Variants in LPP observed in about 807,000 individuals in gnomAD.
The protein encoded by LPP is lipoma-preferred partner.
A neutral mutation model predicts 60.4 loss-of-function variants in LPP; 38 were observed. The observed-to-expected ratio is 0.63, with a 90% CI of 0.49 to 0.83. LPP has a LOEUF of 0.83. Ranked by LOEUF, LPP falls within the 40% of genes least tolerant of loss-of-function variation. LPP has a pLI of 0.00. For synonymous variants in LPP, 328 were observed against 290.8 expected, an observed-to-expected ratio of 1.13 and a Z score of -1.30; for missense variants, 902 against 783.6, an observed-to-expected ratio of 1.15 and a Z score of -1.80.
In LPP at chr3:188,846,305, C is replaced by A. The variant is rs377264017; in HGVS notation, c.1411-19895C>A. Among the ~76,000 whole-genome samples the A allele has an allele frequency of 7.9e-5, 12 of 152,276 alleles. No homozygotes were observed. In the East Asian group the frequency reaches 2.3e-3, roughly 29 times the overall value. ...GGAAGGCTTTGGAGAACAGGGCACA[C>A]ATGATCGGAGACTTTACTGGTTCAG... On this transcript the variant is annotated intron_variant, in intron 9 of 11. Coordinates refer to ENST00000617246, the MANE Select transcript of LPP (RefSeq NM_001375462.1).
chr3:188,699,694 G>A (rs1863987827), intron 7 of LPP, among the ~76,000 whole-genome samples: 1 of 152,098 alleles, frequency 6.6e-6, no homozygotes, highest in Admixed American at 6.6e-5. Context: ...GCTGTGAGGA[G>A]TGTTCATTTA....
intron 5 of LPP, among the ~76,000 whole-genome samples, chr3:188,490,117 C>T (rs1415040042): frequency 1.3e-5 from 2 of 152,024 alleles, no homozygotes; most frequent in East Asian, 1.9e-4. Context: ...TTTTCTTTCC[C>T]CTTTTAAAAA....
intron 8 of LPP, among the ~76,000 whole-genome samples, chr3:188,715,267 A>T (rs1713378162): frequency 6.7e-6 from 1 of 149,550 alleles, no homozygotes; most frequent in Admixed American, 6.8e-5. Context: ...AGTCCCAGTT[A>T]CTCAGGAGGC....
At chr3:188,632,404 A>C (rs1847998360) in intron 7 of LPP, among the ~76,000 whole-genome samples, 1 of 152,080 alleles carries the variant, frequency 6.6e-6, no homozygotes, top group Admixed American at 6.6e-5. Context: ...GGGTGGGGAG[A>C]CTGGGAGATG....
At chr3:188,853,120 A>G (rs779024748) in intron 9 of LPP, among the ~76,000 whole-genome samples, 2 of 152,086 alleles carry the variant, frequency 1.3e-5, no homozygotes, top group Non-Finnish European at 2.9e-5. Context: ...AGTGCACTAC[A>G]GACTGGGCAA....
At chr3:188,333,574 G>A (rs532030816) in intron 2 of LPP, among the ~76,000 whole-genome samples, 1 of 152,322 alleles carries the variant, frequency 6.6e-6, no homozygotes, top group South Asian at 2.1e-4. Flanking sequence ...CTTAAAGTGA[G>A]TTCTGCTTAA....
At chr3:188,249,753 C>T (rs1036376868) in intron 2 of LPP, among the ~76,000 whole-genome samples, 62 of 149,916 alleles carry the variant, frequency 4.1e-4, no homozygotes, top group Admixed American at 1.1e-3. Flanking sequence ...TACTCAGATT[C>T]GTCTATTGTT....
intron 6 of LPP, among the ~76,000 whole-genome samples, chr3:188,546,720 G>C (rs951167466): frequency 6.6e-6 from 1 of 152,122 alleles, no homozygotes; most frequent in Non-Finnish European, 1.5e-5. Flanking sequence ...TAGCTATCTG[G>C]TATTCCATCT....
At chr3:188,762,453 T>C (rs912458751) in intron 9 of LPP, among the ~76,000 whole-genome samples, 1 of 152,244 alleles carries the variant, frequency 6.6e-6, no homozygotes, top group Non-Finnish European at 1.5e-5. Flanking sequence ...TGAAATTCAC[T>C]GGGCTTTAGG....
chr3:188,336,348 G>T (rs540564457), intron 2 of LPP, among the ~76,000 whole-genome samples: 4 of 152,240 alleles, frequency 2.6e-5, no homozygotes, highest in Admixed American at 2.6e-4. Flanking sequence ...ACAGAGCCAG[G>T]ATTTGTGACT....
chr3:188,614,319 C>T (rs1324561722), intron 7 of LPP, among the ~76,000 whole-genome samples: 1 of 152,014 alleles, frequency 6.6e-6, no homozygotes, highest in Non-Finnish European at 1.5e-5. Context: ...GTATGGTAAT[C>T]CCTGTGTTAA....
intron 2 of LPP, among the ~76,000 whole-genome samples, chr3:188,318,608 A>T (rs1199586645): frequency 6.6e-6 from 1 of 152,058 alleles, no homozygotes; most frequent in African/African-American, 2.4e-5. Context: ...CTACCTACTT[A>T]CATAAGTACC....
chr3:188,593,561 C>T (rs570384086), intron 6 of LPP, among the ~76,000 whole-genome samples: 8 of 151,954 alleles, frequency 5.3e-5, no homozygotes, highest in Non-Finnish European at 1.2e-4. Context: ...GTATACACTG[C>T]ACCATATTTG....
At chr3:188,423,502 A>T (rs1788437351) in intron 4 of LPP, among the ~76,000 whole-genome samples, 1 of 152,120 alleles carries the variant, frequency 6.6e-6, no homozygotes, top group Admixed American at 6.5e-5. Flanking sequence ...CTTGTTCTAG[A>T]TCCTTGAGGA....
At chr3:188,512,261 T>C (rs914985299) in intron 5 of LPP, among the ~76,000 whole-genome samples, 2 of 152,162 alleles carry the variant, frequency 1.3e-5, no homozygotes, top group African/African-American at 4.8e-5. Flanking sequence ...CCACAAATGT[T>C]TGAAGAAAAT....
chr3:188,875,208 G>A lies in LPP; in HGVS notation c.*729G>A. The A allele has an allele frequency of 4.6e-6, 1 of 217,474 alleles. No individual in the cohort carries two copies. Among genetic ancestry groups the A allele is most frequent in the Non-Finnish European group, 9.2e-6 (1 of 108,302 alleles). The allele number at this position is 217,474 out of a possible 1,614,324, so 13.5% of individuals were successfully genotyped here. On this transcript the variant is annotated 3_prime_UTR_variant, in exon 12 of 12. Transcript: ENST00000617246. ...TATTTTTCTAAAGAAATTACAGGTGGGATATGCTAGAAAAGGCATTTTGGG... is the reference window on the plus strand; with the variant it reads ...TATTTTTCTAAAGAAATTACAGGTGAGATATGCTAGAAAAGGCATTTTGGG...
intron 2 of LPP, among the ~76,000 whole-genome samples, chr3:188,235,228 C>A (rs1721467649): frequency 6.6e-6 from 1 of 152,086 alleles, no homozygotes; most frequent in Non-Finnish European, 1.5e-5. Context: ...CTTTTTGGGA[C>A]CTCTGGAAGA....
intron 6 of LPP, among the ~76,000 whole-genome samples, chr3:188,579,254 G>A (rs981024107): frequency 6.6e-6 from 1 of 151,348 alleles, no homozygotes; most frequent in African/African-American, 2.4e-5. Flanking sequence ...GAACATGGAG[G>A]TGTGTGTGTG....
At chr3:188,226,706 T>A (rs1400259466) in intron 2 of LPP, among the ~76,000 whole-genome samples, 1 of 152,150 alleles carries the variant, frequency 6.6e-6, no homozygotes, top group African/African-American at 2.4e-5. Flanking sequence ...TTGTACTGAG[T>A]AATTAATACA....
Sources: allele counts gnomAD v4.1 joint callset (sites outside exome capture counted in the v4.1 genomes callset), GRCh38; gene constraint gnomAD v4.1.1; transcripts MANE v1.5; gene names NCBI Gene and HGNC (gene_info 2026-07-23, HGNC 2026-07-21).